Variants in ABCC4 observed in about 807,000 individuals in gnomAD.
ABCC4 encodes the protein ATP binding cassette subfamily C member 4 (PEL blood group).
In ABCC4, 102 loss-of-function variants were observed where a neutral mutation model predicts 168.5. That is an observed-to-expected ratio of 0.61 (90% CI 0.52 to 0.71). The LOEUF is 0.71. Among genes scored for constraint, ABCC4 ranks in the 30% least tolerant of loss-of-function variants. The pLI is 0.00. For missense variants in ABCC4, 1,402 were observed against 1,605.8 expected (o/e 0.87, Z 2.17); for synonymous variants, 617 against 590.7 (o/e 1.04, Z -0.65).
intron 20 of ABCC4, among the ~76,000 whole-genome samples, chr13:95,099,672 T>C (rs1007986810): frequency 3.9e-5 from 6 of 152,156 alleles, no homozygotes; most frequent in Non-Finnish European, 2.9e-5. Context: ...AACCAGCCCA[T>C]GTGCCCTAGA....
intron 29 of ABCC4, among the ~76,000 whole-genome samples, chr13:95,037,025 A>G (rs900807855): frequency 2.8e-5 from 4 of 141,402 alleles, no homozygotes; most frequent in African/African-American, 1.0e-4. Context: ...TGGAGGATGC[A>G]GTGAGCCAAG....
At position 95,247,022 on chromosome 13, in the gene ABCC4, AC is replaced by A; in HGVS notation, c.258del (p.Lys86AsnfsTer8). ...AAAACTAAATAAGATTTCCAGTAAC[AC>A]TTTATGATTGCTCTTGTTAAAGAAG... is the stretch of plus-strand genomic sequence containing the variant. ...QKPSLTRAII[K>X]CYWKSYLVLG... On this transcript the variant is annotated frameshift_variant, in exon 3 of 31. Transcript: ENST00000645237. LOFTEE classifies it high-confidence loss of function. 1 of 1,612,260 alleles carries A rather than the reference AC, an allele frequency of 6.2e-7. No homozygotes were observed. The highest frequency in any genetic ancestry group is 2.2e-5 in the East Asian group (1 of 44,880).
chr13:95,080,840 G>A (rs2034070371), intron 21 of ABCC4, among the ~76,000 whole-genome samples: 2 of 152,104 alleles, frequency 1.3e-5, no homozygotes, highest in African/African-American at 4.8e-5. Flanking sequence ...GTCCAACAGA[G>A]GCTTTGGAAA....
In ABCC4 at chr13:95,062,770, A is replaced by G. The variant is rs144737820; in HGVS notation, c.3300T>C (p.Ile1100=). The G allele has an allele frequency of 1.2e-5, 19 of 1,614,094 alleles. No homozygotes were observed. Among genetic ancestry groups the G allele is most frequent in the Non-Finnish European group, 1.6e-5 (19 of 1,180,006 alleles). The change falls in exon 26 of 31, where the codon ATT becomes ATC. Residue 1100 remains isoleucine, a synonymous_variant. Coordinates refer to ENST00000645237, the MANE Select transcript of ABCC4 (RefSeq NM_005845.5). Reference sequence around the variant, plus strand: ...CAATTTCAGTTGTCAAGATCTTATCAATCCAAATTTTACCTTCGGGTTCTG... The same window carrying G: ...CAATTTCAGTTGTCAAGATCTTATCGATCCAAATTTTACCTTCGGGTTCTG... The part of the protein sequence containing the change: ...RLSEPEGKIW[I]DKILTTEIGL...
chr13:95,043,605 A>G, intron 29 of ABCC4, 77 bp downstream of exon 29: 1 of 1,291,338 alleles, frequency 7.7e-7, no homozygotes, highest in Admixed American at 2.0e-5. Context: ...GTTTCTATCA[A>G]GTTTTACAAG....
intron 1 of ABCC4, among the ~76,000 whole-genome samples, chr13:95,300,905 T>TC (rs1217123984): frequency 4.6e-5 from 7 of 151,934 alleles, no homozygotes; most frequent in Non-Finnish European, 1.0e-4. Flanking sequence ...GGCAAGAGAC[T>TC]CCCCCTTTCG....
At chr13:95,182,420 T>C (rs923600114) in intron 11 of ABCC4, among the ~76,000 whole-genome samples, 14 of 152,222 alleles carry the variant, frequency 9.2e-5, no homozygotes, top group Non-Finnish European at 1.3e-4. Flanking sequence ...TATTAATACA[T>C]TGCATCTATT....
chr13:95,283,215 C>CAAA (rs1262067135), intron 1 of ABCC4, among the ~76,000 whole-genome samples: 1 of 101,044 alleles, frequency 9.9e-6, no homozygotes. Flanking sequence ...GACTCCAACT[C>CAAA]AAAAAAAAAA....
At chr13:95,218,921 A>AAGAGAGAG (rs1289387063) in intron 4 of ABCC4, among the ~76,000 whole-genome samples, 7 of 24,780 alleles carry the variant, frequency 2.8e-4, no homozygotes, top group Middle Eastern at 0.013. Flanking sequence ...GAGAGAGAGA[A>AAGAGAGAG]AGAAAGAGAA....
At chr13:95,184,518 A>G (rs1015908141) in intron 11 of ABCC4, among the ~76,000 whole-genome samples, 1 of 152,196 alleles carries the variant, frequency 6.6e-6, no homozygotes, top group Admixed American at 6.5e-5. Flanking sequence ...GAGTCATTTT[A>G]TCTCTCCAAC....
At position 95,128,994 on chromosome 13, in the gene ABCC4, C is replaced by T. The variant is rs565314065; in HGVS notation, c.2456-12993G>A. Among the ~76,000 whole-genome samples, 7 of 152,238 alleles carry T rather than the reference C, an allele frequency of 4.6e-5. No homozygotes were observed. The South Asian group carries it at 1.0e-3, about 23-fold the overall frequency. The stretch of plus-strand genomic sequence containing the variant: ...GTATTGCTGTGCGTTTTTGCCTACA[C>T]TAGCAATATAAGCACCTCCAAAGTT... On this transcript the variant is annotated intron_variant, in intron 19 of 30. Transcript: ENST00000645237.
At chr13:95,201,898 G>A (rs1321790746) in intron 8 of ABCC4, among the ~76,000 whole-genome samples, 4 of 152,252 alleles carry the variant, frequency 2.6e-5, no homozygotes, top group South Asian at 2.1e-4. Context: ...GCTTGAACCC[G>A]GGAAGTAGAG....
At chr13:95,259,298 T>C (rs1248025088) in intron 1 of ABCC4, among the ~76,000 whole-genome samples, 4 of 151,068 alleles carry the variant, frequency 2.6e-5, no homozygotes, top group Non-Finnish European at 5.9e-5. Context: ...GAGAATCGCT[T>C]GAACCAGGGA....
chr13:95,287,490 G>C lies in ABCC4; in HGVS notation c.74+13751C>G, dbSNP rs188322756. On this transcript the variant is annotated intron_variant, in intron 1 of 30. Coordinates refer to ENST00000645237, the MANE Select transcript of ABCC4 (RefSeq NM_005845.5). ...TAATCCCAGCTACTCAGGAGGCTGA[G>C]ACAGCAGAATCGTTTGAATCTGGGA... 2.8e-3 allele frequency among the ~76,000 whole-genome samples: 430 copies of C among 151,744 alleles called. 4 individuals carry two copies. Among genetic ancestry groups the C allele is most frequent in the Non-Finnish European group, 5.1e-3 (349 of 67,976 alleles).
chr13:95,028,446 AGAAAT>A (rs2031652571), intron 30 of ABCC4, among the ~76,000 whole-genome samples: 1 of 152,230 alleles, frequency 6.6e-6, no homozygotes, highest in Non-Finnish European at 1.5e-5. Flanking sequence ...AAAACAGAAA[AGAAAT>A]GAACAGAAAA....
chr13:95,063,609 C>T (rs1470686697), intron 25 of ABCC4, among the ~76,000 whole-genome samples: 1 of 152,168 alleles, frequency 6.6e-6, no homozygotes, highest in African/African-American at 2.4e-5. Context: ...CTGCACAGTT[C>T]AAAAGGCATG....
At chr13:95,079,965 C>T (rs1294593799) in intron 21 of ABCC4, among the ~76,000 whole-genome samples, 1 of 152,210 alleles carries the variant, frequency 6.6e-6, no homozygotes, top group Non-Finnish European at 1.5e-5. Flanking sequence ...ATCTGAGCCA[C>T]AGTATCAGAG....
intron 20 of ABCC4, among the ~76,000 whole-genome samples, chr13:95,101,559 AG>A (rs552338539): frequency 3.3e-5 from 5 of 152,196 alleles, no homozygotes; most frequent in Non-Finnish European, 7.3e-5. Flanking sequence ...TTTTTCTAGT[AG>A]GAAGACTTCT....
intron 8 of ABCC4, 101 bp from the exon 9 acceptor site, chr13:95,195,038 A>G: frequency 1.1e-6 from 1 of 885,214 alleles, no homozygotes; most frequent in East Asian, 2.6e-5. Flanking sequence ...AACTTTATAC[A>G]GCCTACAGAT....
Sources: allele counts gnomAD v4.1 joint callset (sites outside exome capture counted in the v4.1 genomes callset), GRCh38; gene constraint gnomAD v4.1.1; transcripts MANE v1.5; gene names NCBI Gene and HGNC (gene_info 2026-07-23, HGNC 2026-07-21).